Variants in DNAH10 observed in about 807,000 individuals in gnomAD.
DNAH10 encodes the protein axonemal beta dynein heavy chain 10.
In DNAH10, 348 loss-of-function variants were observed where a neutral mutation model predicts 506.6. That is an observed-to-expected ratio of 0.69 (90% CI 0.63 to 0.75). The LOEUF (loss-of-function observed/expected upper bound fraction) is 0.75, where lower values mean the gene tolerates loss of function less well. DNAH10 is among the 30% of genes least tolerant of loss of function. DNAH10 has a pLI of 0.00. For synonymous variants in DNAH10, 2,059 were observed against 2,198.6 expected (o/e 0.94, Z 1.78); for missense variants, 5,179 against 5,787.1 (o/e 0.89, Z 3.41).
In DNAH10 at chr12:123,838,491, G is replaced by A. The variant is rs772239862; in HGVS notation, c.4938G>A (p.Lys1646=). ...MGETLKDPVI[K]RCCEAPNRLS... ...AGACCTTAAAAGACCCCGTGATCAAGAGGTGCTGTGAAGCCCCAAACCGCC... is the reference window on the plus strand; with the variant it reads ...AGACCTTAAAAGACCCCGTGATCAAAAGGTGCTGTGAAGCCCCAAACCGCC... Residue 1646 remains lysine (K), a synonymous_variant, in exon 29 of 79, where the codon AAG becomes AAA. Coordinates refer to ENST00000673944, the MANE Select transcript of DNAH10 (RefSeq NM_001372106.1). The A allele has an allele frequency of 6.2e-7, 1 of 1,613,988 alleles. No homozygotes were observed. Among genetic ancestry groups the A allele is most frequent in the Non-Finnish European group, 8.5e-7 (1 of 1,179,878 alleles).
rs138194143 is a variant in DNAH10 at position 123,916,002 on chromosome 12, G to A, written c.10723-455G>A. ...GGTCCTTGATCTCAGGTATTTGCCT[G>A]CTGTTAGAGGAAGCCCATTTGTACT... On this transcript the variant is annotated intron_variant, in intron 62 of 78. Transcript: ENST00000673944. The surrounding 1 kb of genome is among the most constrained non-coding windows in gnomAD (Gnocchi z 4.6). 6.6e-6 allele frequency among the ~76,000 whole-genome samples: 1 copy of A among 152,298 alleles called. No homozygotes were observed. The highest frequency in any genetic ancestry group is 1.9e-4 in the East Asian group (1 of 5,186).
At chr12:123,805,425 G>A (rs927831225) in intron 18 of DNAH10, among the ~76,000 whole-genome samples, 6 of 152,300 alleles carry the variant, frequency 3.9e-5, no homozygotes, top group African/African-American at 9.6e-5. Flanking sequence ...CCTAGTTAGC[G>A]CGGTCTGTGC....
At chr12:123,781,648 T>C (rs1957655935) in intron 6 of DNAH10, among the ~76,000 whole-genome samples, 2 of 152,174 alleles carry the variant, frequency 1.3e-5, no homozygotes, top group South Asian at 2.1e-4. Flanking sequence ...GTATTTTTAA[T>C]AGAGACGGGG....
intron 52 of DNAH10, among the ~76,000 whole-genome samples, chr12:123,888,325 G>A (rs944653784): frequency 6.6e-6 from 1 of 152,182 alleles, no homozygotes; most frequent in Non-Finnish European, 1.5e-5. Context: ...GCTGAATGGC[G>A]GCCCTCTAAA....
intron 26 of DNAH10, among the ~76,000 whole-genome samples, chr12:123,832,196 A>C (rs1355000178): frequency 6.6e-6 from 1 of 152,212 alleles, no homozygotes; most frequent in African/African-American, 2.4e-5. Flanking sequence ...ACACGTACAC[A>C]TAATATATAT....
Position 123,846,027 on chromosome 12 carries a change from G to A in DNAH10, c.5687G>A (p.Arg1896Gln), listed in dbSNP as rs371300150. The A allele has an allele frequency of 3.3e-5, 54 of 1,613,862 alleles. No homozygotes were observed. The highest frequency in any genetic ancestry group is 1.6e-4 in the Middle Eastern group (1 of 6,084). ...AGTCAGTTGCGGTTTTATTGGGACC[G>A]GGAGCCGGATGAGCTGAACATCCGC... is the stretch of plus-strand genomic sequence containing the variant. The part of the protein sequence containing the change: ...WESQLRFYWD[R>Q]EPDELNIRQC... Residue 1896 changes from arginine to glutamine, a missense_variant, in exon 32 of 79, where the codon CGG becomes CAG. Arg to Gln is a conservative substitution (Grantham distance 43). Coordinates refer to ENST00000673944, the MANE Select transcript of DNAH10 (RefSeq NM_001372106.1). This position sits in a 1 kb window ranked among gnomAD's most constrained non-coding sequence, Gnocchi z 4.5.
At chr12:123,921,262 A>T (rs930485827) in intron 65 of DNAH10, among the ~76,000 whole-genome samples, 3 of 152,194 alleles carry the variant, frequency 2.0e-5, no homozygotes, top group Non-Finnish European at 4.4e-5. Context: ...TAGAGTATGT[A>T]ATCCTGGCTG....
At chr12:123,869,722 G>T (rs980917588) in intron 43 of DNAH10, among the ~76,000 whole-genome samples, 1 of 152,130 alleles carries the variant, frequency 6.6e-6, no homozygotes, top group Non-Finnish European at 1.5e-5. Context: ...TCCTTCTCAG[G>T]CTCCTCGCTC....
At chr12:123,803,880 A>C (rs1958561912) in intron 17 of DNAH10, 55 bp downstream of exon 17, 1 of 1,522,388 alleles carries the variant, frequency 6.6e-7, no homozygotes, top group South Asian at 1.2e-5. Flanking sequence ...CATATATTGT[A>C]TATACATACA....
At position 123,903,591 on chromosome 12, in the gene DNAH10, C is replaced by T. The variant is rs1414673800; in HGVS notation, c.9815+478C>T. On this transcript the variant is annotated intron_variant, in intron 57 of 78. Coordinates refer to ENST00000673944, the MANE Select transcript of DNAH10 (RefSeq NM_001372106.1). This position sits in a 1 kb window ranked among gnomAD's most constrained non-coding sequence, Gnocchi z 4.6. ...GTGAGAGTAGGTCACTATTGAGGCC[C>T]CCATACATCTTGCAAATCAATCTGT... 6.6e-6 allele frequency among the ~76,000 whole-genome samples: 1 copy of T among 152,196 alleles called. No homozygotes were observed. The highest frequency in any genetic ancestry group is 2.4e-5 in the African/African-American group (1 of 41,458).
intron 1 of DNAH10, among the ~76,000 whole-genome samples, chr12:123,767,224 T>C (rs1160762931): frequency 6.6e-6 from 1 of 152,212 alleles, no homozygotes; most frequent in Non-Finnish European, 1.5e-5. Flanking sequence ...AGTTTTTAAA[T>C]TGTGGTAACA....
Position 123,774,232 on chromosome 12 carries a change from G to A in DNAH10, c.589G>A (p.Val197Met). ...GGAGTATGGAATTATAAACGCTAATGTGCTCCATTTTCTGAAGAATATTAT... is the reference window on the plus strand; with the variant it reads ...GGAGTATGGAATTATAAACGCTAATATGCTCCATTTTCTGAAGAATATTAT... ...TLEYGIINAN[V>M]LHFLKNIICQ... Residue 197 changes from valine to methionine, a missense_variant, in exon 5 of 79, where the codon GTG (valine) becomes ATG (methionine). Physicochemically the swap from Val to Met is conservative, Grantham distance 21 (BLOSUM62 1). Coordinates refer to ENST00000673944, the MANE Select transcript of DNAH10 (RefSeq NM_001372106.1). 1 of 1,606,656 alleles carries A rather than the reference G, an allele frequency of 6.2e-7. No homozygotes were observed. Among genetic ancestry groups the A allele is most frequent in the South Asian group, 1.1e-5 (1 of 89,220 alleles).
intron 16 of DNAH10, among the ~76,000 whole-genome samples, chr12:123,802,660 C>A (rs1051082313): frequency 6.6e-6 from 1 of 151,010 alleles, no homozygotes; most frequent in African/African-American, 2.4e-5. Flanking sequence ...GGCGGCTGTG[C>A]CATTTTACAT....
chr12:123,781,560 G>C lies in DNAH10; in HGVS notation c.841+261G>C, dbSNP rs574096750. On this transcript the variant is annotated intron_variant, in intron 6 of 78. Coordinates refer to ENST00000673944, the MANE Select transcript of DNAH10 (RefSeq NM_001372106.1). Reference sequence around the variant, plus strand: ...GGTTCACTGCAACCTCCGCCCCCTGGGTTCAAGGGATTCTCCTGCCTCAGC... The same window carrying C: ...GGTTCACTGCAACCTCCGCCCCCTGCGTTCAAGGGATTCTCCTGCCTCAGC... Among the ~76,000 whole-genome samples the C allele has an allele frequency of 2.6e-5, 4 of 152,102 alleles. No homozygotes were observed. The South Asian group carries it at 8.3e-4, about 32-fold the overall frequency.
rs368273514 is a variant in DNAH10, at chr12:123,835,483, G to T, written c.4857G>T (p.Pro1619=). The T allele has an allele frequency of 1.9e-6, 3 of 1,607,952 alleles. No homozygotes were observed. Among genetic ancestry groups the T allele is most frequent in the Non-Finnish European group, 2.5e-6 (3 of 1,176,932 alleles). ...FIGGDIRSQL[P]EEAKKFDNID... ...GTGGAGATATAAGATCACAACTTCC[G>T]GAAGAGGCAAAAAAGTTTGACAACA... The change falls in exon 28 of 79, where the codon CCG becomes CCT. Residue 1619 remains proline (P), a synonymous_variant. Transcript: ENST00000673944.
At chr12:123,898,942 G>T in intron 56 of DNAH10, 128 bp downstream of exon 56, 1 of 1,367,912 alleles carries the variant, frequency 7.3e-7, no homozygotes, top group Non-Finnish European at 9.6e-7. Context: ...CTGTGAAACT[G>T]CTTGTAGGCA....
intron 78 of DNAH10, 41 bp from the exon 79 acceptor site, chr12:123,935,294 C>A (rs573635656): frequency 2.5e-6 from 4 of 1,588,310 alleles, no homozygotes; most frequent in Non-Finnish European, 3.5e-6. Context: ...CCCTCTGCAC[C>A]CTCTCTCCGT....
intron 55 of DNAH10, 72 bp from the exon 56 acceptor site, chr12:123,898,581 A>G: frequency 7.0e-7 from 1 of 1,421,784 alleles, no homozygotes; most frequent in South Asian, 1.5e-5. Context: ...AGCTGAAGTT[A>G]GGCAAATCTC....
chr12:123,892,773 T>C (rs1055838596), intron 52 of DNAH10, among the ~76,000 whole-genome samples: 3 of 152,202 alleles, frequency 2.0e-5, no homozygotes, highest in African/African-American at 7.2e-5. Context: ...GGCTGGGCTG[T>C]TCTTTGTTGT....
Sources: allele counts gnomAD v4.1 joint callset (sites outside exome capture counted in the v4.1 genomes callset), GRCh38; gene constraint gnomAD v4.1.1; non-coding constraint Gnocchi (gnomAD v3.1); transcripts MANE v1.5; gene names NCBI Gene and HGNC (gene_info 2026-07-23, HGNC 2026-07-21).